Variants in SLC19A1 observed in about 807,000 individuals in gnomAD.
SLC19A1 encodes the protein solute carrier family 19 member 1.
SLC19A1 carries 37 observed loss-of-function variants against 35.3 expected under a neutral mutation model. That is an observed-to-expected ratio of 1.05 (90% CI 0.81 to 1.38). SLC19A1 has a LOEUF of 1.38. SLC19A1 is among the 40% of genes most tolerant of loss of function. The probability of loss-of-function intolerance (pLI) is 0.00; values close to 1 mark genes in which losing one functional copy is unlikely to be tolerated. For missense variants in SLC19A1, 831 were observed against 826.9 expected (o/e 1.00, Z -0.06); for synonymous variants, 460 against 398.5 (o/e 1.15, Z -1.84).
At chr21:45,558,531 G>A (rs1176548927) in intron 1 of SLC19A1, among the ~76,000 whole-genome samples, 1 of 152,222 alleles carries the variant, frequency 6.6e-6, no homozygotes, top group Non-Finnish European at 1.5e-5. Flanking sequence ...GCTGCAGAGG[G>A]TGTTTCTTCT....
chr21:45,550,673 T>G (rs1249056863), intron 1 of SLC19A1, among the ~76,000 whole-genome samples: 1 of 152,236 alleles, frequency 6.6e-6, no homozygotes, highest in Non-Finnish European at 1.5e-5. Context: ...TTTTGTTGCA[T>G]GCAGATTTCG....
At chr21:45,548,932 A>G (rs531276181), upstream of SLC19A1, among the ~76,000 whole-genome samples, 4 of 152,342 alleles carry the variant, frequency 2.6e-5, no homozygotes, top group South Asian at 2.1e-4. Flanking sequence ...GTGGAGTAGT[A>G]TATGGGGATG....
chr21:45,531,898 G>C lies in SLC19A1; in HGVS notation c.440C>G (p.Ala147Gly). Residue 147 changes from alanine (A) to glycine (G), a missense_variant, in exon 3 of 6, where the codon GCG (alanine) becomes GGG (glycine). Ala to Gly is a moderately conservative substitution (Grantham distance 60). Coordinates refer to ENST00000311124, the MANE Select transcript of SLC19A1 (RefSeq NM_194255.4). The part of the protein sequence containing the change: ...SSYIFSLVRP[A>G]RYQRVAGYSR... ...GTAGCCGGCCACACGCTGGTAGCGC[G>C]CGGGCCGCACGAGAGAGAAGATGTA... The C allele has an allele frequency of 2.5e-6, 4 of 1,589,216 alleles. No homozygotes were observed. Among genetic ancestry groups the C allele is most frequent in the Non-Finnish European group, 3.4e-6 (4 of 1,168,574 alleles).
intron 4 of SLC19A1, among the ~76,000 whole-genome samples, chr21:45,527,344 G>A (rs1332771765): frequency 8.3e-5 from 12 of 144,160 alleles, no homozygotes; most frequent in African/African-American, 2.9e-4. Context: ...GGCCCAGGAG[G>A]TGAGAGGCAG....
chr21:45,537,719 T>TGGGGGGGGGGGCCCCCCCCC, intron 2 of SLC19A1, 52 bp downstream of exon 2: 1 of 319,776 alleles, frequency 3.1e-6, no homozygotes, highest in Non-Finnish European at 5.6e-6. Context: ...CAGACGCTGC[T>TGGGGGGGGGGGCCCCCCCCC]CCCCGCCCAC....
At chr21:45,557,937 G>A (rs1473113722) in intron 1 of SLC19A1, among the ~76,000 whole-genome samples, 3 of 152,348 alleles carry the variant, frequency 2.0e-5, no homozygotes, top group African/African-American at 7.2e-5. Flanking sequence ...TGCCTCCTGC[G>A]TGTCTGACGG....
At chr21:45,542,892 C>T (rs1306785406), upstream of SLC19A1, among the ~76,000 whole-genome samples, 2 of 151,998 alleles carry the variant, frequency 1.3e-5, no homozygotes, top group Non-Finnish European at 2.9e-5. Context: ...AAGCTGGATC[C>T]GGGACGCGGG....
chr21:45,551,886 G>A (rs1219647989), intron 1 of SLC19A1, among the ~76,000 whole-genome samples: 5 of 152,144 alleles, frequency 3.3e-5, no homozygotes, highest in Non-Finnish European at 5.9e-5. Flanking sequence ...ACTGGGGTTC[G>A]CGCCTCCCTG....
Position 45,515,220 on chromosome 21 carries a change from T to C in SLC19A1, c.*438A>G. The C allele has an allele frequency of 6.6e-7, 1 of 1,512,282 alleles. No individual in the cohort carries two copies. Among genetic ancestry groups the C allele is most frequent in the Non-Finnish European group, 8.8e-7 (1 of 1,139,676 alleles). 93.7% of individuals were successfully genotyped at this position (1,512,282 alleles called of 1,614,324 possible). On this transcript the variant is annotated 3_prime_UTR_variant, in exon 6 of 6. Coordinates refer to ENST00000311124, the MANE Select transcript of SLC19A1 (RefSeq NM_194255.4). ...AGAGCACCAAGGATGACCAGCAATG[T>C]CACAGCTCAGCTACACCTGAGGGTC... is the stretch of plus-strand genomic sequence containing the variant.
chr21:45,503,087 G>C (rs2036951322), intron 3 of SLC19A1: 1 of 152,164 alleles, frequency 6.6e-6, no homozygotes, highest in African/African-American at 2.4e-5. Context: ...TATATACCCA[G>C]TAATGGGATG....
Position 45,537,896 on chromosome 21 carries a change from G to A in SLC19A1, c.64C>T (p.Leu22Phe), listed in dbSNP as rs760315143. The A allele has an allele frequency of 3.8e-6, 6 of 1,598,738 alleles. No individual in the cohort carries two copies. The South Asian group carries it at 5.6e-5, about 15-fold the overall frequency. The change falls in exon 2 of 6, where the codon CTC becomes TTC. Residue 22 changes from leucine (L) to phenylalanine (F), a missense_variant. Coordinates refer to ENST00000311124, the MANE Select transcript of SLC19A1 (RefSeq NM_194255.4). The part of the protein sequence containing the change: ...VPVEPGPDPE[L>F]RSWRHLVCYL... ...CACACGAGGTGCCGCCAGGACCGGA[G>A]CTCGGGGTCAGGCCCAGGTTCCACG...
rs151208115 is a variant in SLC19A1 at position 45,527,851 on chromosome 21, T to C, written c.1152-1893A>G. On this transcript the variant is annotated intron_variant, in intron 4 of 5. Transcript: ENST00000311124. ...TCCAGGAATGAAGGCACCACATTCC[T>C]GACATGGAGAGGTGACACGCCAGGC... Among the ~76,000 whole-genome samples the C allele has an allele frequency of 5.0e-3, 749 of 151,248 alleles. 3 individuals are homozygous for C. Among genetic ancestry groups the C allele is most frequent in the African/African-American group, 0.016 (669 of 41,124 alleles).
At chr21:45,559,136 A>G (rs763731035) in intron 1 of SLC19A1, among the ~76,000 whole-genome samples, 18 of 152,184 alleles carry the variant, frequency 1.2e-4, no homozygotes, top group Non-Finnish European at 2.2e-4. Context: ...GAAGTCAATA[A>G]CTACATAAAT....
chr21:45,524,207 T>C (rs1478079507), intron 5 of SLC19A1, among the ~76,000 whole-genome samples: 1 of 87,364 alleles, frequency 1.1e-5, no homozygotes, highest in African/African-American at 4.9e-5. Context: ...GAGGCTCACC[T>C]GCCCTGAGTG....
downstream of SLC19A1, among the ~76,000 whole-genome samples, chr21:45,511,781 T>G (rs1477401565): frequency 6.6e-6 from 1 of 152,184 alleles, no homozygotes; most frequent in Non-Finnish European, 1.5e-5. Flanking sequence ...GAGATGCACC[T>G]GCCAAGGGTC....
chr21:45,503,919 T>C (rs1172365725), intron 3 of SLC19A1: 3 of 1,417,538 alleles, frequency 2.1e-6, no homozygotes, highest in Non-Finnish European at 3.0e-6. Flanking sequence ...TAGAAGGGCC[T>C]CAGGCAAACC....
intron 2 of SLC19A1, chr21:45,536,539 ACC>A (rs1008241502): frequency 6.5e-6 from 1 of 153,320 alleles, no homozygotes; most frequent in African/African-American, 2.4e-5. Flanking sequence ...CTAGAAAGTG[ACC>A]CAGCCTGGCG....
chr21:45,562,937 G>T (rs186632750), exon 1 of SLC19A1, among the ~76,000 whole-genome samples: 1 of 152,176 alleles, frequency 6.6e-6, no homozygotes, highest in African/African-American at 2.4e-5. Flanking sequence ...ATCCTCCTCC[G>T]GTATCTACGT....
Position 45,534,784 on chromosome 21 carries a change from C to T in SLC19A1, c.190-2636G>A. On this transcript the variant is annotated intron_variant, in intron 2 of 5. Coordinates refer to ENST00000311124, the MANE Select transcript of SLC19A1 (RefSeq NM_194255.4). This position sits in a 1 kb window ranked among gnomAD's most constrained non-coding sequence, Gnocchi z 4.2. ...AGAGCTGTGACCTGCGTCCCACTTACAAGGCTGCTGGGGGAGGGGCCCTCA... is the reference window on the plus strand; with the variant it reads ...AGAGCTGTGACCTGCGTCCCACTTATAAGGCTGCTGGGGGAGGGGCCCTCA... 2 of 594,294 alleles carry T rather than the reference C, an allele frequency of 3.4e-6. No homozygotes were observed. Among genetic ancestry groups the T allele is most frequent in the Non-Finnish European group, 5.9e-6 (2 of 336,342 alleles). 36.8% of individuals were successfully genotyped at this position (594,294 alleles called of 1,614,324 possible).
Sources: gnomAD v4.1 joint callset for allele counts (sites outside exome capture counted in the v4.1 genomes callset) on GRCh38, gnomAD v4.1.1 for gene constraint, Gnocchi (gnomAD v3.1) non-coding constraint, MANE v1.5 for transcripts, NCBI Gene and HGNC (gene_info 2026-07-23, HGNC 2026-07-21) for gene names.